The following TANC2 variants were observed in gnomAD, a reference collection of about 807,000 sequenced individuals.
The protein encoded by TANC2 is protein TANC2.
TANC2 carries 26 observed loss-of-function variants against 210.5 expected under a neutral mutation model. That is an observed-to-expected ratio of 0.12 (90% CI 0.09 to 0.17). TANC2 has a LOEUF of 0.17. TANC2 is among the 10% of genes least tolerant of loss of function. The pLI is 1.00. For synonymous variants in TANC2, 931 were observed against 967.1 expected, an observed-to-expected ratio of 0.96 and a Z score of 0.69; for missense variants, 2,129 against 2,608.9, an observed-to-expected ratio of 0.82 and a Z score of 4.01.
At chr17:63,249,349 G>A (rs943458117) in intron 8 of TANC2, among the ~76,000 whole-genome samples, 8 of 152,170 alleles carry the variant, frequency 5.3e-5, no homozygotes, top group African/African-American at 1.9e-4. Flanking sequence ...CTGTGTGTTG[G>A]AAGGAAGTAG....
chr17:63,058,207 G>C (rs1393338569), intron 2 of TANC2, among the ~76,000 whole-genome samples: 1 of 152,050 alleles, frequency 6.6e-6, no homozygotes, highest in Non-Finnish European at 1.5e-5. Flanking sequence ...TTTTCCAAAA[G>C]CTTGTTGGCC....
Position 63,421,851 on chromosome 17 carries a change from C to G in TANC2, c.6121C>G (p.Gln2041Glu), listed in dbSNP as rs775003949. The change falls in exon 28 of 28, where the codon CAG becomes GAG. Residue 2041 changes from glutamine (Q) to glutamate (E), a missense_variant. Physicochemically the swap from Gln to Glu is conservative, Grantham distance 29. Transcript: ENST00000689528. The surrounding 1 kb of genome is among the most constrained non-coding windows in gnomAD (Gnocchi z 6.9). ...GGTAGCTCGGACTCTACCTGTGGCTCAGGCATACCAGGACAACCTGTACAG... is the reference window on the plus strand; with the variant it reads ...GGTAGCTCGGACTCTACCTGTGGCTGAGGCATACCAGGACAACCTGTACAG... 1 of 1,614,034 alleles carries G rather than the reference C, an allele frequency of 6.2e-7. No individual in the cohort carries two copies. The highest frequency in any genetic ancestry group is 8.5e-7 in the Non-Finnish European group (1 of 1,179,898).
chr17:63,053,860 C>T (rs2035671328), intron 2 of TANC2, among the ~76,000 whole-genome samples: 1 of 152,166 alleles, frequency 6.6e-6, no homozygotes, highest in Admixed American at 6.5e-5. Context: ...ATTCTCTTTG[C>T]CATATCTTCA....
intron 2 of TANC2, among the ~76,000 whole-genome samples, chr17:63,071,826 A>G (rs2036407292): frequency 6.6e-6 from 1 of 152,174 alleles, no homozygotes; most frequent in South Asian, 2.1e-4. Flanking sequence ...TTTTATGAGA[A>G]AAGAATAAAA....
chr17:63,269,432 G>A (rs972702327), intron 9 of TANC2, among the ~76,000 whole-genome samples: 16 of 152,104 alleles, frequency 1.1e-4, no homozygotes, highest in South Asian at 2.1e-4. Context: ...ATGCACAGCC[G>A]TAATAAAGAA....
intron 3 of TANC2, 25 bp from the exon 4 acceptor site, chr17:63,099,150 C>G: frequency 1.2e-6 from 2 of 1,606,314 alleles, no homozygotes; most frequent in Non-Finnish European, 1.7e-6. Context: ...CTCACCAGCT[C>G]TTTTGTTCCA....
At chr17:63,224,577 A>G (rs548889921) in intron 7 of TANC2, among the ~76,000 whole-genome samples, 3 of 152,288 alleles carry the variant, frequency 2.0e-5, no homozygotes, top group Admixed American at 2.0e-4. Flanking sequence ...TCCTCCTTGC[A>G]TCTGAGAAAT....
At position 63,421,023 on chromosome 17, in the gene TANC2, C is replaced by G. The variant is rs1452758263; in HGVS notation, c.5293C>G (p.Leu1765Val). The change falls in exon 28 of 28, where the codon CTG becomes GTG. Residue 1765 changes from leucine to valine, a missense_variant. Transcript: ENST00000689528. The surrounding 1 kb of genome is among the most constrained non-coding windows in gnomAD (Gnocchi z 6.9). Reference sequence around the variant, plus strand: ...GCCGGTGCAGCATGTCCAAGCCAGCCTGAGTGCAGGCGCCATCTGTCAGCA... The same window carrying G: ...GCCGGTGCAGCATGTCCAAGCCAGCGTGAGTGCAGGCGCCATCTGTCAGCA... The G allele has an allele frequency of 1.2e-6, 2 of 1,614,018 alleles. No individual in the cohort carries two copies. The highest frequency in any genetic ancestry group is 1.7e-6 in the Non-Finnish European group (2 of 1,179,888).
intron 12 of TANC2, among the ~76,000 whole-genome samples, chr17:63,342,520 C>T (rs2046266529): frequency 6.6e-6 from 1 of 151,976 alleles, no homozygotes; most frequent in Non-Finnish European, 1.5e-5. Flanking sequence ...AGAAGACTAT[C>T]CATCCCAGCA....
intron 14 of TANC2, among the ~76,000 whole-genome samples, chr17:63,376,806 A>G (rs925230673): frequency 4.1e-5 from 6 of 147,322 alleles, no homozygotes; most frequent in African/African-American, 1.5e-4. Flanking sequence ...GGAAATTGCC[A>G]CTGTACTCTT....
intron 9 of TANC2, among the ~76,000 whole-genome samples, chr17:63,284,992 C>T (rs1377143195): frequency 2.0e-5 from 3 of 151,562 alleles, no homozygotes; most frequent in African/African-American, 7.3e-5. Flanking sequence ...TTTTTTAATC[C>T]TTGATGATAC....
At chr17:63,393,191 A>C (rs774949965) in intron 17 of TANC2, among the ~76,000 whole-genome samples, 3 of 152,172 alleles carry the variant, frequency 2.0e-5, no homozygotes, top group Non-Finnish European at 4.4e-5. Context: ...ATGTTTTTCA[A>C]TTTTAGTTTA....
chr17:63,261,389 C>G (rs998128577), intron 8 of TANC2, among the ~76,000 whole-genome samples: 1 of 152,236 alleles, frequency 6.6e-6, no homozygotes, highest in East Asian at 1.9e-4. Context: ...AATTATTAAA[C>G]TATACAAGAT....
chr17:63,240,477 T>C (rs544688418), intron 8 of TANC2, among the ~76,000 whole-genome samples: 2 of 152,268 alleles, frequency 1.3e-5, no homozygotes, highest in Admixed American at 1.3e-4. Flanking sequence ...TCAAGGACCT[T>C]CTCATTTGTT....
chr17:63,318,503 C>G (rs1254164939), intron 10 of TANC2, among the ~76,000 whole-genome samples: 1 of 152,174 alleles, frequency 6.6e-6, no homozygotes, highest in Non-Finnish European at 1.5e-5. Flanking sequence ...TCCTCTTAAC[C>G]CTCTATTTCC....
intron 7 of TANC2, among the ~76,000 whole-genome samples, chr17:63,228,709 A>T (rs1354149500): frequency 6.6e-6 from 1 of 152,066 alleles, no homozygotes. Context: ...ATGGGAGTTT[A>T]TTCATGATTT....
At chr17:63,140,291 C>T (rs1290986798) in intron 4 of TANC2, among the ~76,000 whole-genome samples, 1 of 152,212 alleles carries the variant, frequency 6.6e-6, no homozygotes, top group Non-Finnish European at 1.5e-5. Flanking sequence ...GTAGCAATTT[C>T]ATTAGTCAGA....
chr17:63,336,611 C>T (rs1280922004), intron 11 of TANC2, among the ~76,000 whole-genome samples: 1 of 152,184 alleles, frequency 6.6e-6, no homozygotes, highest in East Asian at 1.9e-4. Context: ...TCTTTCTTCC[C>T]TCACAAGAGT....
chr17:62,999,692 C>A (rs905111019), intron 1 of TANC2, among the ~76,000 whole-genome samples: 3 of 151,368 alleles, frequency 2.0e-5, no homozygotes, highest in Middle Eastern at 3.2e-3. Context: ...TAAGATAATT[C>A]TTCTTCCACT....
Sources: allele counts gnomAD v4.1 joint callset (sites outside exome capture counted in the v4.1 genomes callset), GRCh38; gene constraint gnomAD v4.1.1; non-coding constraint Gnocchi (gnomAD v3.1); transcripts MANE v1.5; gene names NCBI Gene and HGNC (gene_info 2026-07-23, HGNC 2026-07-21).